The following ENTREP2 variants were observed in gnomAD, a reference collection of about 807,000 sequenced individuals.
The protein encoded by ENTREP2 is protein ENTREP2.
the ENTREP2 span, among the ~76,000 whole-genome samples, chr15:29,597,297 G>A: frequency 9.2e-5 from 14 of 152,138 alleles, no homozygotes; most frequent in African/African-American, 3.1e-4. Flanking sequence ...AGTCAGGCGC[G>A]GTGGCTCATG....
the ENTREP2 span, among the ~76,000 whole-genome samples, chr15:29,256,883 A>C: frequency 0.16 from 24,262 of 151,934 alleles, 2,530 homozygotes; most frequent in Non-Finnish European, 0.24. Flanking sequence ...TTTTTTAGTA[A>C]AAGTATATAA....
chr15:29,429,190 TATCCATCC>T, the ENTREP2 span, among the ~76,000 whole-genome samples: 27,398 of 149,132 alleles, frequency 0.18, 3,003 homozygotes, highest in Middle Eastern at 0.35. Context: ...GATGTCTATC[TATCCATCC>T]ATCCATCCAT....
At chr15:29,158,445 G>A in the ENTREP2 span, among the ~76,000 whole-genome samples, 9 of 128,648 alleles carry the variant, frequency 7.0e-5, no homozygotes, top group East Asian at 2.2e-4. Context: ...TCACTCTTTC[G>A]CCCAGGCTGG....
At chr15:29,520,941 G>A in the ENTREP2 span, among the ~76,000 whole-genome samples, 4 of 152,192 alleles carry the variant, frequency 2.6e-5, no homozygotes, top group Admixed American at 1.3e-4. Flanking sequence ...AAGATATAAT[G>A]TATTCATAGG....
the ENTREP2 span, among the ~76,000 whole-genome samples, chr15:29,641,337 G>A: frequency 6.6e-6 from 1 of 151,986 alleles, no homozygotes; most frequent in South Asian, 2.1e-4. Flanking sequence ...TGAAACAAAA[G>A]TCATCAAAAT....
At chr15:29,187,737 T>C in the ENTREP2 span, among the ~76,000 whole-genome samples, 2 of 152,226 alleles carry the variant, frequency 1.3e-5, no homozygotes, top group African/African-American at 2.4e-5. Context: ...CAAAAACAGT[T>C]ACTGGGTATA....
At chr15:29,248,509 T>G in the ENTREP2 span, among the ~76,000 whole-genome samples, 1 of 152,234 alleles carries the variant, frequency 6.6e-6, no homozygotes, top group Admixed American at 6.5e-5. Context: ...TATTTAAATC[T>G]ATAACTGAGT....
At chr15:29,517,700 C>T in the ENTREP2 span, among the ~76,000 whole-genome samples, 4 of 152,122 alleles carry the variant, frequency 2.6e-5, no homozygotes, top group South Asian at 2.1e-4. Context: ...CCATGAACAG[C>T]GTGATGTCGA....
chr15:29,409,052 A>C, the ENTREP2 span, among the ~76,000 whole-genome samples: 12 of 152,240 alleles, frequency 7.9e-5, no homozygotes, highest in African/African-American at 2.9e-4. Context: ...GATTGTCCCC[A>C]GAATAACTTC....
the ENTREP2 span, among the ~76,000 whole-genome samples, chr15:29,478,822 T>C: frequency 6.8e-5 from 10 of 146,226 alleles, no homozygotes; most frequent in African/African-American, 2.5e-4. Context: ...GGAGAATCTC[T>C]TGAACCGGGG....
the ENTREP2 span, among the ~76,000 whole-genome samples, chr15:29,664,288 G>C: frequency 6.6e-6 from 1 of 152,214 alleles, no homozygotes; most frequent in East Asian, 1.9e-4. Context: ...TCTGGTCTGT[G>C]GTCAACAGCT....
At chr15:29,619,685 T>C in the ENTREP2 span, among the ~76,000 whole-genome samples, 3 of 151,910 alleles carry the variant, frequency 2.0e-5, no homozygotes, top group Admixed American at 6.6e-5. Flanking sequence ...AAAGAAGAGG[T>C]CGGTGCTCTT....
At chr15:29,219,161 A>T in the ENTREP2 span, among the ~76,000 whole-genome samples, 10 of 152,298 alleles carry the variant, frequency 6.6e-5, no homozygotes, top group South Asian at 1.9e-3. Context: ...GGACATGAAT[A>T]GAGAATTCTC....
the ENTREP2 span, among the ~76,000 whole-genome samples, chr15:29,130,892 G>C: frequency 6.6e-6 from 1 of 152,212 alleles, no homozygotes; most frequent in Non-Finnish European, 1.5e-5. Flanking sequence ...TAGAATTTAA[G>C]TTGAAATTTG....
At chr15:29,415,451 C>G in the ENTREP2 span, among the ~76,000 whole-genome samples, 238 of 152,042 alleles carry the variant, frequency 1.6e-3, 1 homozygote, top group Admixed American at 2.6e-3. Flanking sequence ...ATTCAACAAC[C>G]CTTCATGCTA....
chr15:29,128,844 C>T, the ENTREP2 span: 1 of 1,550,760 alleles, frequency 6.4e-7, no homozygotes, highest in African/African-American at 1.4e-5. Context: ...ACTCGGCCAC[C>T]TGCTGACCTA....
the ENTREP2 span, among the ~76,000 whole-genome samples, chr15:29,478,009 A>ATTTTTTT: frequency 1.4e-5 from 1 of 70,910 alleles, no homozygotes; most frequent in African/African-American, 8.4e-5. Context: ...ATATATATAT[A>ATTTTTTT]TATATATATA....
At chr15:29,278,714 C>T in the ENTREP2 span, among the ~76,000 whole-genome samples, 1 of 152,314 alleles carries the variant, frequency 6.6e-6, no homozygotes, top group East Asian at 1.9e-4. Flanking sequence ...CCAGTTATCC[C>T]ACTGGATATC....
chr15:29,485,168 GA>G, the ENTREP2 span, among the ~76,000 whole-genome samples: 1 of 152,116 alleles, frequency 6.6e-6, no homozygotes. Context: ...CAGAATAATG[GA>G]AACAGTAAAT....
Sources: allele counts gnomAD v4.1 joint callset (sites outside exome capture counted in the v4.1 genomes callset), GRCh38; gene constraint gnomAD v4.1.1; transcripts MANE v1.5; gene names NCBI Gene and HGNC (gene_info 2026-07-23, HGNC 2026-07-21).